Variants in ST3GAL3 observed in about 807,000 individuals in gnomAD.
The protein encoded by ST3GAL3 is CMP-N-acetylneuraminate-beta-1,4-galactoside alpha-2,3-sialyltransferase.
Under a neutral mutation model 50.1 loss-of-function variants are expected in ST3GAL3, and 21 were observed. That is an observed-to-expected ratio of 0.42 (90% confidence interval 0.30 to 0.60). The LOEUF (loss-of-function observed/expected upper bound fraction) is 0.60. ST3GAL3 is among the 20% of genes least tolerant of loss of function. The pLI is 0.19. For synonymous variants in ST3GAL3, 183 were observed against 190.0 expected (o/e 0.96, Z 0.30); for missense variants, 353 against 489.4 (o/e 0.72, Z 2.63).
chr1:43,918,404 C>T (rs1407827541), intron 9 of ST3GAL3, among the ~76,000 whole-genome samples: 1 of 152,150 alleles, frequency 6.6e-6, no homozygotes, highest in Non-Finnish European at 1.5e-5. Context: ...AGGCATGAGC[C>T]ACCACGCCCA....
At chr1:43,860,609 G>A (rs988607273) in intron 5 of ST3GAL3, among the ~76,000 whole-genome samples, 1 of 152,234 alleles carries the variant, frequency 6.6e-6, no homozygotes, top group African/African-American at 2.4e-5. Flanking sequence ...CCACAGAGGA[G>A]CATTTGCTAA....
intron 4 of ST3GAL3, among the ~76,000 whole-genome samples, chr1:43,819,917 G>A (rs1573607270): frequency 6.6e-6 from 1 of 152,274 alleles, no homozygotes; most frequent in East Asian, 1.9e-4. Context: ...ATGACTTACA[G>A]CTGCATCTAT....
At chr1:43,788,463 T>A (rs749532499) in intron 2 of ST3GAL3, among the ~76,000 whole-genome samples, 4 of 152,158 alleles carry the variant, frequency 2.6e-5, no homozygotes, top group Non-Finnish European at 5.9e-5. Context: ...CTTTTCTTAT[T>A]CCTCCTCTGC....
intron 3 of ST3GAL3, among the ~76,000 whole-genome samples, chr1:43,807,827 C>A (rs2060078916): frequency 6.6e-6 from 1 of 152,132 alleles, no homozygotes; most frequent in South Asian, 2.1e-4. Flanking sequence ...TAAAGGAATT[C>A]TCTCAGGTTT....
At chr1:43,724,070 T>G (rs1671784317) in intron 1 of ST3GAL3, among the ~76,000 whole-genome samples, 2 of 152,144 alleles carry the variant, frequency 1.3e-5, no homozygotes, top group Non-Finnish European at 2.9e-5. Flanking sequence ...TATTTAAAAT[T>G]GTTGTGTGTA....
intron 9 of ST3GAL3, among the ~76,000 whole-genome samples, chr1:43,911,600 GCTATAGATATCTACAGATATAT>G (rs2080883857): frequency 6.7e-6 from 1 of 150,276 alleles, no homozygotes; most frequent in African/African-American, 2.5e-5. Context: ...TATATCTGTA[GCTATAGATATCTACAGATATAT>G]CTATAGATAT....
chr1:43,879,229 A>C, intron 5 of ST3GAL3: 1 of 454,362 alleles, frequency 2.2e-6, no homozygotes, highest in Non-Finnish European at 4.4e-6. Context: ...GACTGGACAG[A>C]AGGCCAGTAT....
At chr1:43,760,997 G>A in intron 2 of ST3GAL3, among the ~76,000 whole-genome samples, 1 of 152,242 alleles carries the variant, frequency 6.6e-6, no homozygotes, top group Non-Finnish European at 1.5e-5. Flanking sequence ...TGGTTTCACT[G>A]ACATGTCCAA....
Position 43,775,027 on chromosome 1 carries a change from G to A in ST3GAL3, c.119-17075G>A, listed in dbSNP as rs575080540. 9.9e-5 allele frequency among the ~76,000 whole-genome samples: 15 copies of A among 152,148 alleles called. No individual in the cohort carries two copies. In the South Asian group the frequency reaches 2.5e-3, roughly 25 times the overall value. ...CTGAAGATGCTTACGCCACACCTCC[G>A]TCCTCAGCCCCTAGTTACTTCCAGT... On this transcript the variant is annotated intron_variant, in intron 2 of 11. Coordinates refer to ENST00000347631, the MANE Select transcript of ST3GAL3 (RefSeq NM_006279.5).
At chr1:43,836,912 A>G (rs1188342214) in intron 4 of ST3GAL3, among the ~76,000 whole-genome samples, 1 of 152,236 alleles carries the variant, frequency 6.6e-6, no homozygotes, top group Admixed American at 6.5e-5. Context: ...TCACACAGCA[A>G]CAGGCCAGGA....
intron 2 of ST3GAL3, among the ~76,000 whole-genome samples, chr1:43,757,377 G>A (rs771556373): frequency 2.0e-5 from 3 of 152,156 alleles, no homozygotes; most frequent in Non-Finnish European, 4.4e-5. Context: ...GAACAAAGTT[G>A]GAGGGTTTAC....
chr1:43,790,559 A>G (rs1197717028), intron 2 of ST3GAL3, among the ~76,000 whole-genome samples: 1 of 151,984 alleles, frequency 6.6e-6, no homozygotes, highest in East Asian at 1.9e-4. Context: ...GTTGTAGGAA[A>G]CAGCCATACA....
At chr1:43,898,207 A>C in intron 6 of ST3GAL3, 28 bp from the exon 7 acceptor site, 2 of 1,612,458 alleles carry the variant, frequency 1.2e-6, no homozygotes, top group Non-Finnish European at 1.7e-6. Flanking sequence ...GTGACCCTGT[A>C]ACAGAAACCT....
chr1:43,794,455 C>T lies in ST3GAL3; in HGVS notation c.166+2306C>T, dbSNP rs905487576. 4.6e-5 allele frequency among the ~76,000 whole-genome samples: 7 copies of T among 152,112 alleles called. No individual in the cohort carries two copies. The East Asian group carries it at 5.8e-4, about 13-fold the overall frequency. ...GTGCAGTGGAAACTCTGATTTTCTA[C>T]TTGTTGGAGCATAATTTGGTACAAC... is the stretch of plus-strand genomic sequence containing the variant. On this transcript the variant is annotated intron_variant, in intron 3 of 11. Transcript: ENST00000347631.
At chr1:43,882,233 G>T (rs150946848) in intron 5 of ST3GAL3, among the ~76,000 whole-genome samples, 102 of 152,264 alleles carry the variant, frequency 6.7e-4, no homozygotes, top group Non-Finnish European at 1.0e-3. Flanking sequence ...ATAAGGAGAC[G>T]AGAACCCCAG....
intron 4 of ST3GAL3, among the ~76,000 whole-genome samples, chr1:43,827,832 A>G (rs752497590): frequency 2.0e-4 from 31 of 152,146 alleles, no homozygotes; most frequent in African/African-American, 6.0e-4. Flanking sequence ...TAAGATGTCA[A>G]TTCTCTACTT....
At chr1:43,881,312 C>T (rs939610555) in intron 5 of ST3GAL3, among the ~76,000 whole-genome samples, 2 of 152,230 alleles carry the variant, frequency 1.3e-5, no homozygotes, top group African/African-American at 2.4e-5. Context: ...CGCCCAGCCT[C>T]TGAGCTTTTT....
chr1:43,814,696 T>C (rs1232983036), intron 3 of ST3GAL3, among the ~76,000 whole-genome samples, 195 bp from the exon 4 acceptor site: 1 of 152,254 alleles, frequency 6.6e-6, no homozygotes, highest in Non-Finnish European at 1.5e-5. Context: ...ATACCTGGCA[T>C]TGAACTTGGT....
intron 2 of ST3GAL3, among the ~76,000 whole-genome samples, chr1:43,786,418 T>C (rs1415392454): frequency 6.6e-6 from 1 of 152,174 alleles, no homozygotes; most frequent in Non-Finnish European, 1.5e-5. Context: ...GACTTCTTCT[T>C]TAGATGTAGC....
Sources: allele counts gnomAD v4.1 joint callset (sites outside exome capture counted in the v4.1 genomes callset), GRCh38; gene constraint gnomAD v4.1.1; transcripts MANE v1.5; gene names NCBI Gene and HGNC (gene_info 2026-07-23, HGNC 2026-07-21).